WDR3: variants seen among roughly 807,000 people sequenced by gnomAD.
WDR3 encodes the protein WD repeat-containing protein 3.
Under a neutral mutation model 123.7 loss-of-function variants are expected in WDR3, and 81 were observed. That is an observed-to-expected ratio of 0.65 (90% CI 0.55 to 0.79). WDR3 has a LOEUF of 0.79. Ranked by LOEUF, WDR3 falls within the 30% of genes least tolerant of loss-of-function variation. WDR3 has a pLI of 0.00. For missense variants in WDR3, 1,027 were observed against 1,123.2 expected, an observed-to-expected ratio of 0.91 and a Z score of 1.22; for synonymous variants, 390 against 388.8, an observed-to-expected ratio of 1.00 and a Z score of -0.04.
chr1:117,941,347 A>G, intron 8 of WDR3, 122 bp downstream of exon 8: 1 of 878,926 alleles, frequency 1.1e-6, no homozygotes. Flanking sequence ...ATTATATGGT[A>G]CTGTGTGGAC....
Position 117,961,635 on chromosome 1 carries a change from GCT to G in WDR3, c.*2190_*2191del, listed in dbSNP as rs1388268900. 5 of 152,066 alleles carry G rather than the reference GCT, an allele frequency of 3.3e-5. No individual in the cohort carries two copies. Among genetic ancestry groups the G allele is most frequent in the Admixed American group, 3.3e-4 (5 of 15,266 alleles). The allele number at this position is 152,066 out of a possible 1,614,324, so 9.4% of individuals were successfully genotyped here. On this transcript the variant is annotated 3_prime_UTR_variant, in exon 27 of 27. Transcript: ENST00000349139. ...TTGTGGGGCCACCATTTTCTTCTAG[GCT>G]CAGATATGCAGTCCTTGTGGCTTGC...
At chr1:117,949,573 A>G (rs1242933804) in intron 13 of WDR3, among the ~76,000 whole-genome samples, 178 bp from the exon 14 acceptor site, 2 of 152,178 alleles carry the variant, frequency 1.3e-5, no homozygotes, top group Non-Finnish European at 2.9e-5. Context: ...ATTTTCACAT[A>G]AGGTTTGTGG....
intron 11 of WDR3, among the ~76,000 whole-genome samples, chr1:117,945,812 C>G (rs1651360643): frequency 6.6e-6 from 1 of 152,156 alleles, no homozygotes; most frequent in Admixed American, 6.5e-5. Context: ...TTGGTAATGG[C>G]AGATTGGGCT....
chr1:117,938,916 A>T lies in WDR3; in HGVS notation c.579+358A>T, dbSNP rs1651046162. Among the ~76,000 whole-genome samples, 5 of 152,172 alleles carry T rather than the reference A, an allele frequency of 3.3e-5. No individual in the cohort carries two copies. In the South Asian group the frequency reaches 8.3e-4, roughly 25 times the overall value. ...TGGTAGCTGTTAAAATAGTTACTTGAACAGAGATCTATTCAGTTGAGTTCA... is the reference window on the plus strand; with the variant it reads ...TGGTAGCTGTTAAAATAGTTACTTGTACAGAGATCTATTCAGTTGAGTTCA... On this transcript the variant is annotated intron_variant, in intron 5 of 26. Transcript: ENST00000349139.
chr1:117,942,997 G>A (rs141279604), intron 10 of WDR3, among the ~76,000 whole-genome samples: 3,722 of 151,036 alleles, frequency 0.025, 147 homozygotes, highest in African/African-American at 0.084. Flanking sequence ...CTGTTGCCCA[G>A]GCTGGAGTGC....
chr1:117,942,314 G>T, intron 9 of WDR3, 123 bp from the exon 10 acceptor site: 1 of 745,294 alleles, frequency 1.3e-6, no homozygotes, highest in Non-Finnish European at 2.3e-6. Context: ...AATCCTGTGT[G>T]GTTAAGTGAC....
Position 117,952,988 on chromosome 1 carries a change from C to T in WDR3, c.2194C>T (p.Gln732Ter). 1 of 1,612,960 alleles carries T rather than the reference C, an allele frequency of 6.2e-7. No individual in the cohort carries two copies. Among genetic ancestry groups the T allele is most frequent in the Non-Finnish European group, 8.5e-7 (1 of 1,179,290 alleles). ...TGAGGAGAGTGTGGCCAAAGAAGAC[C>T]AACCAGCAGTAAGTAAATTTTGGGG... ...EYEESVAKEDQPAVPGETQGD... is the reference protein window; with the variant it reads ...EYEESVAKED The change falls in exon 20 of 27, where the codon CAA becomes TAA. Residue 732 changes from glutamine to a stop codon, truncating the protein, a stop_gained. Transcript: ENST00000349139. LOFTEE classifies it high-confidence loss of function.
At chr1:117,931,910 A>AT (rs1375935559) in intron 1 of WDR3, among the ~76,000 whole-genome samples, 1 of 152,072 alleles carries the variant, frequency 6.6e-6, no homozygotes, top group Non-Finnish European at 1.5e-5. Context: ...TTGAGATTGA[A>AT]TTTTTTTTGT....
chr1:117,948,553 C>T lies in WDR3; in HGVS notation c.1524+47C>T. On this transcript the variant is annotated intron_variant, in intron 13 of 26. Coordinates refer to ENST00000349139, the MANE Select transcript of WDR3 (RefSeq NM_006784.3). ...GCCCTGGAGTTCAGCCCTGTGGCTACCCTGATTTCTCTCAGGGTTTCTTTA... is the reference window on the plus strand; with the variant it reads ...GCCCTGGAGTTCAGCCCTGTGGCTATCCTGATTTCTCTCAGGGTTTCTTTA... 3.4e-6 allele frequency: 5 copies of T among 1,454,002 alleles called. No homozygotes were observed. In the South Asian group the frequency reaches 4.0e-5, roughly 12 times the overall value. 90.1% of individuals were successfully genotyped at this position (1,454,002 alleles called of 1,614,324 possible). A position where few individuals can be genotyped will look rare whatever the true frequency, so the allele number is the denominator to read the frequency against.
chr1:117,952,231 T>C (rs544890380), intron 17 of WDR3, 66 bp from the exon 18 acceptor site: 1 of 1,484,336 alleles, frequency 6.7e-7, no homozygotes, highest in African/African-American at 1.4e-5. Flanking sequence ...AAGCTATTTA[T>C]GTGTGTAAAA....
At position 117,958,890 on chromosome 1, in the gene WDR3, G is replaced by T; in HGVS notation, c.2583-20G>T. On this transcript the variant is annotated intron_variant, in intron 25 of 26. Coordinates refer to ENST00000349139, the MANE Select transcript of WDR3 (RefSeq NM_006784.3). ...GCTAGAACCTCTCTGCAACATGGCTGTGTTTTGTTTTTCTATCAGGATTCA... is the reference window on the plus strand; with the variant it reads ...GCTAGAACCTCTCTGCAACATGGCTTTGTTTTGTTTTTCTATCAGGATTCA... The T allele has an allele frequency of 6.2e-7, 1 of 1,607,892 alleles. No homozygotes were observed.
At position 117,942,500 on chromosome 1, in the gene WDR3, T is replaced by C. The variant is rs1571014246; in HGVS notation, c.1053T>C (p.Asp351=). Residue 351 remains aspartate, a synonymous_variant, in exon 10 of 27, where the codon GAT becomes GAC. Transcript: ENST00000349139. ...PEVNVEMSLQ[D]EIQRVTNIKT... is the part of the protein sequence containing the mutation. Reference sequence around the variant, plus strand: ...TTAATGTTGAAATGAGTCTGCAAGATGAAATCCAGCGGGTGACTAATATAA... The same window carrying C: ...TTAATGTTGAAATGAGTCTGCAAGACGAAATCCAGCGGGTGACTAATATAA... 2 of 1,614,032 alleles carry C rather than the reference T, an allele frequency of 1.2e-6. No individual in the cohort carries two copies. Among genetic ancestry groups the C allele is most frequent in the Non-Finnish European group, 1.7e-6 (2 of 1,179,946 alleles).
rs751759057 is a variant in WDR3 at position 117,950,862 on chromosome 1, TG to T, written c.1776del (p.Pro593LeufsTer14). ...TTTCTGTCACTGTATGGACACAAAC[TG>T]CCTGTTATATGCATGGACATCTCTC... Reference protein sequence around the residue: ...KFFLSLYGHKLPVICMDISHD... With the variant: ...KFFLSLYGHKXPVICMDISHD... On this transcript the variant is annotated frameshift_variant, in exon 16 of 27. Coordinates refer to ENST00000349139, the MANE Select transcript of WDR3 (RefSeq NM_006784.3). LOFTEE classifies it high-confidence loss of function. 1.2e-6 allele frequency: 2 copies of T among 1,610,000 alleles called. No homozygotes were observed. The highest frequency in any genetic ancestry group is 1.7e-6 in the Non-Finnish European group (2 of 1,178,838).
rs1229131870 is a variant in WDR3 at position 117,964,038 on chromosome 1, A to T, written c.*4591A>T. 10 of 1,367,700 alleles carry T rather than the reference A, an allele frequency of 7.3e-6. No homozygotes were observed. Among genetic ancestry groups the T allele is most frequent in the Non-Finnish European group, 1.0e-5 (10 of 1,000,254 alleles). The allele number at this position is 1,367,700 out of a possible 1,614,324, so 84.7% of individuals were successfully genotyped here. A position where few individuals can be genotyped will look rare whatever the true frequency, so the allele number is the denominator to read the frequency against. On this transcript the variant is annotated 3_prime_UTR_variant, in exon 27 of 27. Transcript: ENST00000349139. ...ATCATAGAATTTCTTCTCTGGCAAC[A>T]TCAGTTCAATTTTAGGTAACTGTCT... is the stretch of plus-strand genomic sequence containing the variant.
At chr1:117,930,695 C>G (rs527917703) in intron 1 of WDR3, among the ~76,000 whole-genome samples, 2 of 152,134 alleles carry the variant, frequency 1.3e-5, no homozygotes, top group Non-Finnish European at 2.9e-5. Flanking sequence ...ACTGAAAGTG[C>G]TGGAGAGAAA....
At position 117,960,019 on chromosome 1, in the gene WDR3, G is replaced by A. The variant is rs979672616; in HGVS notation, c.*572G>A. On this transcript the variant is annotated 3_prime_UTR_variant, in exon 27 of 27. Coordinates refer to ENST00000349139, the MANE Select transcript of WDR3 (RefSeq NM_006784.3). ...TATAAGAAGATTCTAATTGCTAACTGTTTATACTTTTCTGAATAAAATAGT... is the reference window on the plus strand; with the variant it reads ...TATAAGAAGATTCTAATTGCTAACTATTTATACTTTTCTGAATAAAATAGT... 1.3e-5 allele frequency: 2 copies of A among 151,942 alleles called. No homozygotes were observed. Among genetic ancestry groups the A allele is most frequent in the African/African-American group, 4.8e-5 (2 of 41,368 alleles). The allele number at this position is 151,942 out of a possible 1,614,324, so 9.4% of individuals were successfully genotyped here.
At position 117,963,576 on chromosome 1, in the gene WDR3, G is replaced by T; in HGVS notation, c.*4129G>T. The T allele has an allele frequency of 3.3e-6, 1 of 299,854 alleles. No individual in the cohort carries two copies. The allele number at this position is 299,854 out of a possible 1,614,324, so 18.6% of individuals were successfully genotyped here. ...AGACGGGGTTTCACCAAGTTAGCCA[G>T]GATGGTCTCGATCTCCTGACCTTGT... On this transcript the variant is annotated 3_prime_UTR_variant, in exon 27 of 27. Coordinates refer to ENST00000349139, the MANE Select transcript of WDR3 (RefSeq NM_006784.3).
rs763454514 is a variant in WDR3 at position 117,957,131 on chromosome 1, T to C, written c.2517T>C (p.Phe839=). The C allele has an allele frequency of 8.1e-6, 13 of 1,612,708 alleles. No homozygotes were observed. The East Asian group carries it at 2.0e-4, about 25-fold the overall frequency. Residue 839 remains phenylalanine, a synonymous_variant, in exon 25 of 27, where the codon TTT becomes TTC. Coordinates refer to ENST00000349139, the MANE Select transcript of WDR3 (RefSeq NM_006784.3). ...ATGTCCCAGACATTCTTAAACTCTT[T>C]AACGAATTCATTCAGCTGGGCTCTG... ...FSYVPDILKL[F]NEFIQLGSDV...
intron 2 of WDR3, 47 bp from the exon 3 acceptor site, chr1:117,934,426 G>T (rs1388218325): frequency 1.3e-6 from 2 of 1,589,382 alleles, no homozygotes; most frequent in African/African-American, 2.7e-5. Flanking sequence ...TTTCCCTTGA[G>T]TTCATGCTTA....
Sources: allele counts gnomAD v4.1 joint callset (sites outside exome capture counted in the v4.1 genomes callset), GRCh38; gene constraint gnomAD v4.1.1; transcripts MANE v1.5; gene names NCBI Gene and HGNC (gene_info 2026-07-23, HGNC 2026-07-21).